Variants in ATXN10 observed in about 807,000 individuals in gnomAD.
ATXN10 encodes ataxin-10.
ATXN10 carries 28 observed loss-of-function variants against 52.9 expected under a neutral mutation model. The observed-to-expected ratio is 0.53, with a 90% CI of 0.39 to 0.73. ATXN10 has a LOEUF of 0.73. ATXN10 is among the 30% of genes least tolerant of loss of function. The probability of loss-of-function intolerance (pLI) is 0.00; values close to 1 mark genes in which losing one functional copy is unlikely to be tolerated. For missense variants in ATXN10, 565 were observed against 577.0 expected, an observed-to-expected ratio of 0.98 and a Z score of 0.21; for synonymous variants, 226 against 221.5, an observed-to-expected ratio of 1.02 and a Z score of -0.18.
At chr22:45,810,391 G>A (rs1802723955) in intron 10 of ATXN10, among the ~76,000 whole-genome samples, 1 of 152,104 alleles carries the variant, frequency 6.6e-6, no homozygotes, top group Non-Finnish European at 1.5e-5. Context: ...GACCATTTTT[G>A]GTCATTTGTA....
Position 45,795,413 on chromosome 22 carries a change from C to G in ATXN10, c.1174-11546C>G, listed in dbSNP as rs149494970. ...CTATTCTATTCTATTCTATTCTATT[C>G]TATTCTATTCTTTTTGAGATGAAGT... is the stretch of plus-strand genomic sequence containing the variant. On this transcript the variant is annotated intron_variant, in intron 9 of 11. Transcript: ENST00000252934. The surrounding 1 kb of genome is among the most constrained non-coding windows in gnomAD (Gnocchi z 4.6). 4.1e-3 allele frequency among the ~76,000 whole-genome samples: 514 copies of G among 125,716 alleles called. 2 individuals are homozygous for G. The highest frequency in any genetic ancestry group is 7.0e-3 in the Admixed American group (92 of 13,056). 82.5% of individuals were successfully genotyped at this position (125,716 alleles called of 152,430 possible). A position where few individuals can be genotyped will look rare whatever the true frequency, so the allele number is the denominator to read the frequency against.
At chr22:45,693,200 T>A in intron 3 of ATXN10, 122 bp downstream of exon 3, 1 of 808,734 alleles carries the variant, frequency 1.2e-6, no homozygotes, top group Non-Finnish European at 2.0e-6. Context: ...AGGGAAACTT[T>A]AATAGTGAAT....
chr22:45,834,869 G>A (rs975446759), intron 10 of ATXN10, among the ~76,000 whole-genome samples: 30 of 152,192 alleles, frequency 2.0e-4, no homozygotes, highest in African/African-American at 6.5e-4. Context: ...AGTCTCAGAT[G>A]TGACATTGGA....
At chr22:45,792,117 A>G (rs969291957) in intron 9 of ATXN10, among the ~76,000 whole-genome samples, 3 of 152,206 alleles carry the variant, frequency 2.0e-5, no homozygotes, top group African/African-American at 7.2e-5. Flanking sequence ...TCCTTTGCAA[A>G]AACAAAAATT....
chr22:45,778,182 C>T (rs986733062), intron 9 of ATXN10, among the ~76,000 whole-genome samples: 1 of 152,170 alleles, frequency 6.6e-6, no homozygotes, highest in Non-Finnish European at 1.5e-5. Flanking sequence ...TGAATCCCAG[C>T]TGTGTTATGC....
Position 45,784,274 on chromosome 22 carries a change from TTTTC to T in ATXN10, c.1174-22681_1174-22678del, listed in dbSNP as rs1417266165. The stretch of plus-strand genomic sequence containing the variant: ...AACAAATTAACCCTTACAGATTTCA[TTTTC>T]TTTATCTGTCATCTTGGAACATTAT... On this transcript the variant is annotated intron_variant, in intron 9 of 11. Transcript: ENST00000252934. This position sits in a 1 kb window ranked among gnomAD's most constrained non-coding sequence, Gnocchi z 4.2. Among the ~76,000 whole-genome samples the T allele has an allele frequency of 6.6e-6, 1 of 152,206 alleles. No homozygotes were observed. Among genetic ancestry groups the T allele is most frequent in the African/African-American group, 2.4e-5 (1 of 41,446 alleles).
Position 45,710,495 on chromosome 22 carries a change from C to T in ATXN10, c.647+7648C>T, listed in dbSNP as rs149794909. Among the ~76,000 whole-genome samples, 423 of 152,266 alleles carry T rather than the reference C, an allele frequency of 2.8e-3. 1 individual carries two copies. The highest frequency in any genetic ancestry group is 9.0e-3 in the African/African-American group (375 of 41,542). Reference sequence around the variant, plus strand: ...TTTGTTTAATAGCACTTACCACTATCGAACATTATACAAATCTTATTTGCT... The same window carrying T: ...TTTGTTTAATAGCACTTACCACTATTGAACATTATACAAATCTTATTTGCT... On this transcript the variant is annotated intron_variant, in intron 5 of 11. Coordinates refer to ENST00000252934, the MANE Select transcript of ATXN10 (RefSeq NM_013236.4).
intron 5 of ATXN10, among the ~76,000 whole-genome samples, chr22:45,709,497 AT>A: frequency 6.6e-6 from 1 of 151,850 alleles, no homozygotes; most frequent in Admixed American, 6.5e-5. Context: ...TCTTTGTCTC[AT>A]TTTTCTCCTG....
At position 45,816,114 on chromosome 22, in the gene ATXN10, G is replaced by A. The variant is rs1030667707; in HGVS notation, c.1237+9092G>A. ...AATACAAAAAAAAAATTCGCTAGGC[G>A]TGGTGGCACGCACCCTTAGTCCCAG... On this transcript the variant is annotated intron_variant, in intron 10 of 11. Coordinates refer to ENST00000252934, the MANE Select transcript of ATXN10 (RefSeq NM_013236.4). This position sits in a 1 kb window ranked among gnomAD's most constrained non-coding sequence, Gnocchi z 5.8. Among the ~76,000 whole-genome samples, 2 of 152,076 alleles carry A rather than the reference G, an allele frequency of 1.3e-5. No homozygotes were observed. Among genetic ancestry groups the A allele is most frequent in the Non-Finnish European group, 1.5e-5 (1 of 68,020 alleles).
At chr22:45,778,864 A>T (rs1927049716) in intron 9 of ATXN10, among the ~76,000 whole-genome samples, 1 of 152,172 alleles carries the variant, frequency 6.6e-6, no homozygotes, top group Non-Finnish European at 1.5e-5. Flanking sequence ...ATAATTAATT[A>T]ATTTGATATT....
rs1929456442 is a variant in ATXN10, at chr22:45,844,754, T to G, written c.*1083T>G. Reference sequence around the variant, plus strand: ...ACAACCATATCGCTAAACTAATATATCCAGAGATTTTGCACAATTCGTGTT... The same window carrying G: ...ACAACCATATCGCTAAACTAATATAGCCAGAGATTTTGCACAATTCGTGTT... On this transcript the variant is annotated 3_prime_UTR_variant, in exon 12 of 12. Coordinates refer to ENST00000252934, the MANE Select transcript of ATXN10 (RefSeq NM_013236.4). 2 of 152,224 alleles carry G rather than the reference T, an allele frequency of 1.3e-5. No individual in the cohort carries two copies. 9.4% of individuals were successfully genotyped at this position (152,224 alleles called of 1,614,324 possible).
chr22:45,742,063 G>A (rs766042675), intron 9 of ATXN10, among the ~76,000 whole-genome samples: 14 of 152,130 alleles, frequency 9.2e-5, no homozygotes, highest in African/African-American at 3.1e-4. Context: ...TGAATCACAC[G>A]TGTGGGGCAG....
At chr22:45,813,299 C>G (rs866380807) in intron 10 of ATXN10, among the ~76,000 whole-genome samples, 1 of 143,394 alleles carries the variant, frequency 7.0e-6, no homozygotes, top group African/African-American at 2.6e-5. Context: ...CTTTTTTGAT[C>G]TGTGTTTTGA....
chr22:45,671,992 TC>T lies in ATXN10; in HGVS notation c.-71del, dbSNP rs1922458426. ...TCCTCGCCATCCTACTCCTCCCTCC[TC>T]GTCATCCTCCCCCTTCGTCCTCCTC... On this transcript the variant is annotated 5_prime_UTR_variant, in exon 1 of 12. Transcript: ENST00000252934. 1.3e-6 allele frequency: 2 copies of T among 1,495,070 alleles called. No individual in the cohort carries two copies. Among genetic ancestry groups the T allele is most frequent in the Non-Finnish European group, 1.8e-6 (2 of 1,114,870 alleles). The allele number at this position is 1,495,070 out of a possible 1,614,324, so 92.6% of individuals were successfully genotyped here. A position where few individuals can be genotyped will look rare whatever the true frequency, so the allele number is the denominator to read the frequency against.
intron 3 of ATXN10, among the ~76,000 whole-genome samples, chr22:45,694,131 G>A (rs1317876538): frequency 1.3e-5 from 2 of 152,118 alleles, no homozygotes; most frequent in African/African-American, 4.8e-5. Flanking sequence ...ACTTAGCTCT[G>A]ATTGTTAACG....
chr22:45,689,060 G>A (rs571144099), intron 1 of ATXN10, among the ~76,000 whole-genome samples: 38 of 152,226 alleles, frequency 2.5e-4, no homozygotes, highest in African/African-American at 8.4e-4. Flanking sequence ...TGGAAGAACA[G>A]GCACACTTTA....
rs572406395 is a variant in ATXN10, at chr22:45,750,477, A to G, written c.1173+9939A>G. ...GTATCCAAAAAGAAGAATATCTGAG[A>G]CTTGGGTGAGGGGAAAACCAGCTGT... On this transcript the variant is annotated intron_variant, in intron 9 of 11. Transcript: ENST00000252934. This position sits in a 1 kb window ranked among gnomAD's most constrained non-coding sequence, Gnocchi z 4.2. 6.6e-6 allele frequency among the ~76,000 whole-genome samples: 1 copy of G among 152,288 alleles called. No individual in the cohort carries two copies. Among genetic ancestry groups the G allele is most frequent in the African/African-American group, 2.4e-5 (1 of 41,558 alleles).
At chr22:45,673,940 A>G (rs1034722578) in intron 1 of ATXN10, 3 of 152,146 alleles carry the variant, frequency 2.0e-5, no homozygotes, top group African/African-American at 7.2e-5. Context: ...ACTTGGAGAA[A>G]ATCCAAGCCC....
In ATXN10 at chr22:45,835,111, C is replaced by T. The variant is rs1458454052; in HGVS notation, c.1238-7880C>T. ...CACAGGATCCTTCACCGCCAAAACCCCGTGAATGTGAGGTACCTGTGAGCG... is the reference window on the plus strand; with the variant it reads ...CACAGGATCCTTCACCGCCAAAACCTCGTGAATGTGAGGTACCTGTGAGCG... On this transcript the variant is annotated intron_variant, in intron 10 of 11. Coordinates refer to ENST00000252934, the MANE Select transcript of ATXN10 (RefSeq NM_013236.4). The surrounding 1 kb of genome is among the most constrained non-coding windows in gnomAD (Gnocchi z 5.0). Among the ~76,000 whole-genome samples, 3 of 152,160 alleles carry T rather than the reference C, an allele frequency of 2.0e-5. No individual in the cohort carries two copies. The highest frequency in any genetic ancestry group is 7.2e-5 in the African/African-American group (3 of 41,418).
Sources: allele counts gnomAD v4.1 joint callset (sites outside exome capture counted in the v4.1 genomes callset), GRCh38; gene constraint gnomAD v4.1.1; non-coding constraint Gnocchi (gnomAD v3.1); transcripts MANE v1.5; gene names NCBI Gene and HGNC (gene_info 2026-07-23, HGNC 2026-07-21).